USO1: variants seen among roughly 807,000 people sequenced by gnomAD.
The protein encoded by USO1 is USO1 vesicle transport factor.
USO1 carries 57 observed loss-of-function variants against 124.5 expected under a neutral mutation model. The observed-to-expected ratio is 0.46, with a 90% CI of 0.37 to 0.57. The LOEUF (loss-of-function observed/expected upper bound fraction) is 0.57, where lower values mean the gene tolerates loss of function less well. Ranked by LOEUF, USO1 falls within the 20% of genes least tolerant of loss-of-function variation. The pLI, the probability that USO1 is intolerant of heterozygous loss-of-function variation, is 0.00. For synonymous variants in USO1, 369 were observed against 362.8 expected (o/e 1.02, Z -0.19); for missense variants, 900 against 1,040.6 (o/e 0.86, Z 1.86).
intron 1 of USO1, 104 bp downstream of exon 1, chr4:75,724,989 G>A: frequency 7.9e-7 from 1 of 1,269,904 alleles, no homozygotes. Flanking sequence ...ACCATGGAGG[G>A]GGCATCCACA....
chr4:75,733,353 G>T (rs1720693889), intron 1 of USO1, among the ~76,000 whole-genome samples: 1 of 152,214 alleles, frequency 6.6e-6, no homozygotes, highest in Non-Finnish European at 1.5e-5. Flanking sequence ...GGGTCGAATG[G>T]TAGTTCTGTT....
At chr4:75,743,692 T>C (rs147008507) in intron 1 of USO1, among the ~76,000 whole-genome samples, 8 of 152,368 alleles carry the variant, frequency 5.3e-5, no homozygotes, top group African/African-American at 1.9e-4. Context: ...TTTTTTAGTT[T>C]GTTTTTCAAA....
intron 1 of USO1, among the ~76,000 whole-genome samples, chr4:75,748,756 A>G (rs1306428154): frequency 6.6e-6 from 1 of 152,010 alleles, no homozygotes; most frequent in East Asian, 1.9e-4. Context: ...AAACGCCTGG[A>G]AAAAAAATTT....
At chr4:75,798,930 T>C (rs1453054238) in intron 13 of USO1, among the ~76,000 whole-genome samples, 1 of 152,166 alleles carries the variant, frequency 6.6e-6, no homozygotes, top group African/African-American at 2.4e-5. Context: ...GTAAATGTGT[T>C]GTATTAAAAT....
At chr4:75,803,864 G>GT (rs1360608775) in intron 17 of USO1, among the ~76,000 whole-genome samples, 4 of 151,962 alleles carry the variant, frequency 2.6e-5, no homozygotes, top group Non-Finnish European at 2.9e-5. Flanking sequence ...ATAAAATGGA[G>GT]TTTTTTCATT....
chr4:75,808,841 G>C (rs1723064618), intron 20 of USO1, 112 bp from the exon 21 acceptor site: 1 of 1,250,004 alleles, frequency 8.0e-7, no homozygotes, highest in Non-Finnish European at 1.1e-6. Context: ...TTTAGAGTTA[G>C]ATTTTAAAAG....
intron 1 of USO1, among the ~76,000 whole-genome samples, chr4:75,751,819 C>T (rs912212479): frequency 6.6e-6 from 1 of 150,970 alleles, no homozygotes; most frequent in Non-Finnish European, 1.5e-5. Context: ...GGGACAAGAG[C>T]GAGACTTCGT....
In USO1 at chr4:75,774,811, A is replaced by C; in HGVS notation, c.676+15A>C. The C allele has an allele frequency of 6.2e-7, 1 of 1,610,622 alleles. No individual in the cohort carries two copies. Among genetic ancestry groups the C allele is most frequent in the Admixed American group, 1.7e-5 (1 of 59,568 alleles). On this transcript the variant is annotated intron_variant, in intron 8 of 23. Coordinates refer to ENST00000514213, the MANE Select transcript of USO1 (RefSeq NM_003715.4). ...CAGTGATGGAGGTATAGTATGAAGA[A>C]ATTATTTGAAGACATTCCTTTTGTA...
chr4:75,750,840 G>A (rs894801887), intron 1 of USO1, among the ~76,000 whole-genome samples: 8 of 152,136 alleles, frequency 5.3e-5, no homozygotes, highest in Non-Finnish European at 8.8e-5. Context: ...CAGAGGTCAC[G>A]AGGATTTTCT....
At chr4:75,779,443 C>A (rs566845165) in intron 8 of USO1, among the ~76,000 whole-genome samples, 1 of 152,126 alleles carries the variant, frequency 6.6e-6, no homozygotes, top group African/African-American at 2.4e-5. Context: ...GCAAAGGAAA[C>A]GTTCTTAAGA....
intron 1 of USO1, among the ~76,000 whole-genome samples, chr4:75,728,887 C>A (rs187529241): frequency 1.3e-5 from 2 of 152,104 alleles, no homozygotes; most frequent in East Asian, 3.9e-4. Flanking sequence ...CAAGCTCCCC[C>A]TCCCGGGTTC....
chr4:75,741,828 T>C (rs576444686), intron 1 of USO1, among the ~76,000 whole-genome samples: 2 of 152,208 alleles, frequency 1.3e-5, no homozygotes, highest in South Asian at 4.1e-4. Flanking sequence ...GGTGTTGAAC[T>C]CCTGACCTCA....
chr4:75,767,651 A>G, intron 4 of USO1: 3 of 284,524 alleles, frequency 1.1e-5, no homozygotes, highest in South Asian at 2.9e-5. Context: ...GGCTGAGGCG[A>G]GCGGATCACG....
chr4:75,799,947 C>CTT (rs371140227), intron 14 of USO1, among the ~76,000 whole-genome samples: 5 of 139,856 alleles, frequency 3.6e-5, no homozygotes, highest in Non-Finnish European at 4.7e-5. Flanking sequence ...TATGAAATTT[C>CTT]TTTTTTTTTT....
At chr4:75,765,658 C>T (rs1333095570) in intron 4 of USO1, among the ~76,000 whole-genome samples, 1 of 141,696 alleles carries the variant, frequency 7.1e-6, no homozygotes, top group Admixed American at 7.1e-5. Flanking sequence ...TTTTCCAACT[C>T]CATTCATAAG....
chr4:75,759,657 C>G (rs1230477866), intron 4 of USO1, among the ~76,000 whole-genome samples: 1 of 150,912 alleles, frequency 6.6e-6, no homozygotes, highest in East Asian at 2.0e-4. Flanking sequence ...GCCTGTAATC[C>G]CAGTACTTCG....
At chr4:75,797,832 G>A (rs1722734323) in intron 13 of USO1, among the ~76,000 whole-genome samples, 1 of 152,022 alleles carries the variant, frequency 6.6e-6, no homozygotes, top group African/African-American at 2.4e-5. Context: ...AGTAGAGACA[G>A]TGTTTCACCA....
chr4:75,783,485 G>A (rs955698135), intron 9 of USO1, among the ~76,000 whole-genome samples: 1 of 152,160 alleles, frequency 6.6e-6, no homozygotes, highest in Non-Finnish European at 1.5e-5. Context: ...GAAGTTCTTT[G>A]AAGTAGTCTA....
At chr4:75,788,444 A>G (rs1329412752) in intron 10 of USO1, among the ~76,000 whole-genome samples, 1 of 152,026 alleles carries the variant, frequency 6.6e-6, no homozygotes, top group Non-Finnish European at 1.5e-5. Context: ...TTGGAATTAC[A>G]GACAGGAGCC....
Sources: allele counts gnomAD v4.1 joint callset (sites outside exome capture counted in the v4.1 genomes callset), GRCh38; gene constraint gnomAD v4.1.1; transcripts MANE v1.5; gene names NCBI Gene and HGNC (gene_info 2026-07-23, HGNC 2026-07-21).